Variants in TRIO observed in about 807,000 individuals in gnomAD.
TRIO encodes the protein trio Rho guanine nucleotide exchange factor.
Under a neutral mutation model 351.9 loss-of-function variants are expected in TRIO, and 58 were observed. That is an observed-to-expected ratio of 0.16 (90% CI 0.13 to 0.21). The LOEUF (loss-of-function observed/expected upper bound fraction) is 0.21. TRIO is among the 10% of genes least tolerant of loss of function. TRIO has a pLI of 1.00. For synonymous variants in TRIO, 1,758 were observed against 1,595.7 expected, an observed-to-expected ratio of 1.10 and a Z score of -2.42; for missense variants, 3,201 against 4,027.8, an observed-to-expected ratio of 0.79 and a Z score of 5.56.
chr5:14,380,264 CG>C (rs1745958651), intron 20 of TRIO, among the ~76,000 whole-genome samples: 5 of 28,724 alleles, frequency 1.7e-4, no homozygotes, highest in Non-Finnish European at 3.6e-4. Flanking sequence ...CTCTTCCCGG[CG>C]CCCCGCCTCC....
intron 1 of TRIO, among the ~76,000 whole-genome samples, chr5:14,221,260 A>C (rs961040885): frequency 2.0e-5 from 3 of 152,170 alleles, no homozygotes; most frequent in African/African-American, 7.2e-5. Flanking sequence ...ATGCTCATTG[A>C]CAATACACCT....
At chr5:14,188,654 A>G (rs1323974041) in intron 1 of TRIO, among the ~76,000 whole-genome samples, 2 of 152,210 alleles carry the variant, frequency 1.3e-5, no homozygotes, top group East Asian at 1.9e-4. Context: ...AACCTTACAA[A>G]TAAAGATTGT....
intron 4 of TRIO, among the ~76,000 whole-genome samples, chr5:14,287,556 C>G (rs570208024): frequency 8.5e-5 from 13 of 152,292 alleles, no homozygotes; most frequent in African/African-American, 3.1e-4. Flanking sequence ...GTGTTAAAAA[C>G]TGTGCAGAGT....
At chr5:14,347,092 TGAG>T (rs1314384866) in intron 11 of TRIO, among the ~76,000 whole-genome samples, 254 of 138,952 alleles carry the variant, frequency 1.8e-3, no homozygotes, top group African/African-American at 6.5e-3. Context: ...CAGGCGGACC[TGAG>T]GTCCTGCAGA....
intron 1 of TRIO, among the ~76,000 whole-genome samples, chr5:14,170,687 G>A (rs1231395022): frequency 1.3e-5 from 2 of 151,914 alleles, no homozygotes; most frequent in Non-Finnish European, 1.5e-5. Context: ...TTGTACTTTA[G>A]TCGAGACGGG....
chr5:14,207,318 T>TCACA lies in TRIO; in HGVS notation c.158-63466_158-63463dup, dbSNP rs371912129. On this transcript the variant is annotated intron_variant, in intron 1 of 56. Coordinates refer to ENST00000344204, the MANE Select transcript of TRIO (RefSeq NM_007118.4). ...CCAGGTAGCATAGCAAGACTGTCTC[T>TCACA]CACACACACACACACACACACACAC... Among the ~76,000 whole-genome samples, 40 of 11,058 alleles carry TCACA rather than the reference T, an allele frequency of 3.6e-3. 1 individual carries two copies. Among genetic ancestry groups the TCACA allele is most frequent in the East Asian group, 0.011 (1 of 94 alleles). 7.3% of individuals were successfully genotyped at this position (11,058 alleles called of 152,430 possible).
intron 31 of TRIO, among the ~76,000 whole-genome samples, chr5:14,403,246 G>GGT (rs1313227735): frequency 7.0e-5 from 10 of 142,156 alleles, no homozygotes; most frequent in African/African-American, 1.9e-4. Flanking sequence ...TTGTGGTGAG[G>GGT]GTACAGGTGG....
chr5:14,273,781 G>A (rs1464738351), intron 2 of TRIO, among the ~76,000 whole-genome samples: 2 of 152,224 alleles, frequency 1.3e-5, no homozygotes, highest in Non-Finnish European at 2.9e-5. Flanking sequence ...TATTAGTGTG[G>A]TTCCTATGCC....
At chr5:14,468,997 G>A (rs1440425498) in intron 37 of TRIO, among the ~76,000 whole-genome samples, 2 of 152,178 alleles carry the variant, frequency 1.3e-5, no homozygotes, top group South Asian at 2.1e-4. Flanking sequence ...TTTCCTGCAT[G>A]TCGGCAATAG....
intron 1 of TRIO, among the ~76,000 whole-genome samples, chr5:14,184,450 A>AT (rs1329948845): frequency 6.6e-6 from 1 of 152,234 alleles, no homozygotes; most frequent in Non-Finnish European, 1.5e-5. Context: ...GACTTTGAAC[A>AT]TATGTTTTTA....
intron 6 of TRIO, among the ~76,000 whole-genome samples, chr5:14,294,445 A>G (rs1737170608): frequency 6.6e-6 from 1 of 152,246 alleles, no homozygotes; most frequent in African/African-American, 2.4e-5. Flanking sequence ...AATTACTGTC[A>G]GTTTTTTTAG....
rs141998293 is a variant in TRIO at position 14,297,191 on chromosome 5, G to A, written c.1296G>A (p.Ala432=). The change falls in exon 7 of 57, where the codon GCG becomes GCA. Residue 432 remains alanine (A), a synonymous_variant. Coordinates refer to ENST00000344204, the MANE Select transcript of TRIO (RefSeq NM_007118.4). ...GTCAGCTGGAGCAGGAGTGGAAGGC[G>A]TTTGCGGCAGCCCTGGATGAGCGGA... ...IASQLEQEWK[A]FAAALDERST... is the part of the protein sequence containing the mutation. 32 of 1,614,216 alleles carry A rather than the reference G, an allele frequency of 2.0e-5. No homozygotes were observed. The Admixed American group carries it at 2.0e-4, about 10-fold the overall frequency.
chr5:14,146,122 T>C (rs1181722059), intron 1 of TRIO, among the ~76,000 whole-genome samples: 1 of 151,444 alleles, frequency 6.6e-6, no homozygotes. Context: ...ATCTTGGCTC[T>C]AGCATCTAGG....
intron 30 of TRIO, 53 bp downstream of exon 30, chr5:14,399,123 T>G (rs761712398): frequency 6.6e-7 from 1 of 1,509,578 alleles, no homozygotes; most frequent in Non-Finnish European, 9.2e-7. Flanking sequence ...ATTGCAGTCT[T>G]TTTGTAGGTA....
intron 54 of TRIO, among the ~76,000 whole-genome samples, chr5:14,504,125 C>T (rs563283939): frequency 2.0e-5 from 3 of 152,342 alleles, no homozygotes; most frequent in Non-Finnish European, 2.9e-5. Context: ...GTCACTTCCA[C>T]CACACGCAGT....
At chr5:14,237,394 C>T (rs1212439098) in intron 1 of TRIO, among the ~76,000 whole-genome samples, 5 of 152,124 alleles carry the variant, frequency 3.3e-5, no homozygotes, top group Admixed American at 6.5e-5. Context: ...TGAAGAAATA[C>T]AGGGGACAGT....
At chr5:14,413,843 A>G (rs1236551303) in intron 33 of TRIO, among the ~76,000 whole-genome samples, 1 of 152,214 alleles carries the variant, frequency 6.6e-6, no homozygotes, top group Non-Finnish European at 1.5e-5. Flanking sequence ...TTACAGTTGG[A>G]GATGGTGATA....
chr5:14,269,668 C>G (rs1048609019), intron 1 of TRIO, among the ~76,000 whole-genome samples: 1 of 152,150 alleles, frequency 6.6e-6, no homozygotes, highest in African/African-American at 2.4e-5. Context: ...TGGAGAGAGT[C>G]GTTTTTTATA....
chr5:14,364,546 GC>G, intron 14 of TRIO, 103 bp from the exon 15 acceptor site: 1 of 1,415,710 alleles, frequency 7.1e-7, no homozygotes, highest in African/African-American at 1.4e-5. Flanking sequence ...TTGGCCCCCA[GC>G]TGGGCAGATC....
Sources: gnomAD v4.1 joint callset for allele counts (sites outside exome capture counted in the v4.1 genomes callset) on GRCh38, gnomAD v4.1.1 for gene constraint, MANE v1.5 for transcripts, NCBI Gene and HGNC (gene_info 2026-07-23, HGNC 2026-07-21) for gene names.